ALS2: variants seen among roughly 807,000 people sequenced by gnomAD.
The protein encoded by ALS2 is alsin Rho guanine nucleotide exchange factor ALS2, also known as alsin.
In ALS2, 117 loss-of-function variants were observed where a neutral mutation model predicts 203.4. The ratio of observed to expected loss-of-function variants is 0.58; its 90% CI spans 0.50 to 0.67. The LOEUF (loss-of-function observed/expected upper bound fraction) is 0.67. Among genes scored for constraint, ALS2 ranks in the 30% least tolerant of loss-of-function variants. ALS2 has a pLI of 0.00. For synonymous variants in ALS2, 718 were observed against 725.9 expected (o/e 0.99, Z 0.17); for missense variants, 1,715 against 1,989.4 (o/e 0.86, Z 2.62).
chr2:201,754,546 TC>T lies in ALS2; in HGVS notation c.1596del (p.Lys535ArgfsTer19). The T allele has an allele frequency of 1.2e-6, 2 of 1,613,956 alleles. No homozygotes were observed. The highest frequency in any genetic ancestry group is 1.7e-6 in the Non-Finnish European group (2 of 1,179,960). On this transcript the variant is annotated frameshift_variant, in exon 6 of 34. Transcript: ENST00000264276. LOFTEE classifies it high-confidence loss of function. Reference sequence around the variant, plus strand: ...TGCCCCAGCTGCCCTTCCTTCCCTTTCCCCCAGGTCCACACTTCTGTTCTCA... The same window carrying T: ...TGCCCCAGCTGCCCTTCCTTCCCTTTCCCCAGGTCCACACTTCTGTTCTCA... ...PSLRTEVWTW[G>X]KGKEGQLGHG...
chr2:201,768,832 A>T, intron 2 of ALS2, 34 bp downstream of exon 2: 1 of 1,606,308 alleles, frequency 6.2e-7, no homozygotes, highest in Non-Finnish European at 8.5e-7. Flanking sequence ...ATGTTTTCCT[A>T]GGAGGATAAG....
chr2:201,772,255 A>C (rs1306787543), intron 1 of ALS2, among the ~76,000 whole-genome samples: 1 of 148,156 alleles, frequency 6.7e-6, no homozygotes, highest in African/African-American at 2.5e-5. Flanking sequence ...TATCATTTTA[A>C]TACCATGATC....
Position 201,705,177 on chromosome 2 carries a change from A to T in ALS2, c.4650T>A (p.Ala1550=), listed in dbSNP as rs746403147. 26 of 1,614,038 alleles carry T rather than the reference A, an allele frequency of 1.6e-5. No homozygotes were observed. In the South Asian group the frequency reaches 2.9e-4, roughly 18 times the overall value. ...SKKVLPTTKD[A]CFASAVECLQ... ...GACATTCTACTGCTGAGGCAAAACA[A>T]GCATCTTTCGTGGTTGGCAAAACCT... Residue 1550 remains alanine (A), a synonymous_variant, in exon 31 of 34, where the codon GCT becomes GCA. Coordinates refer to ENST00000264276, the MANE Select transcript of ALS2 (RefSeq NM_020919.4).
chr2:201,758,185 G>C (rs1693518998), intron 4 of ALS2, among the ~76,000 whole-genome samples: 2 of 151,828 alleles, frequency 1.3e-5, no homozygotes, highest in East Asian at 1.9e-4. Flanking sequence ...AATTTATACA[G>C]ACTACTACCT....
intron 3 of ALS2, 32 bp from the exon 4 acceptor site, chr2:201,761,850 A>G (rs372603383): frequency 2.5e-5 from 41 of 1,610,450 alleles, no homozygotes; most frequent in African/African-American, 2.7e-5. Context: ...AAAGAAAAAA[A>G]AAAGGGTTAG....
chr2:201,725,259 C>T, intron 20 of ALS2, 97 bp downstream of exon 20: 2 of 977,116 alleles, frequency 2.0e-6, no homozygotes, highest in Non-Finnish European at 1.6e-6. Context: ...TAAGACTAAA[C>T]AAAACTTAAA....
chr2:201,769,363 A>C (rs1294352031), intron 1 of ALS2, among the ~76,000 whole-genome samples: 1 of 152,204 alleles, frequency 6.6e-6, no homozygotes, highest in Admixed American at 6.5e-5. Context: ...ATTTTCTAAA[A>C]TCTCTTCAGT....
chr2:201,778,663 ATTGT>A (rs1694762527), intron 1 of ALS2, among the ~76,000 whole-genome samples: 2 of 152,190 alleles, frequency 1.3e-5, no homozygotes, highest in African/African-American at 2.4e-5. Context: ...AGACAACAAA[ATTGT>A]TTGGTCATCA....
Position 201,705,127 on chromosome 2 carries a change from A to G in ALS2, c.4688+12T>C. The G allele has an allele frequency of 6.2e-7, 1 of 1,613,560 alleles. No individual in the cohort carries two copies. ...TTTGATTTGTATGGCTTTTCAACAAATCAGAGATTACCTGATCTGCTGCAG... is the reference window on the plus strand; with the variant it reads ...TTTGATTTGTATGGCTTTTCAACAAGTCAGAGATTACCTGATCTGCTGCAG... On this transcript the variant is annotated intron_variant, in intron 31 of 33. Transcript: ENST00000264276.
intron 3 of ALS2, among the ~76,000 whole-genome samples, chr2:201,766,325 T>C (rs1301344344): frequency 6.6e-6 from 1 of 152,186 alleles, no homozygotes; most frequent in Admixed American, 6.5e-5. Context: ...GGAGTAAGAA[T>C]ATATCTTGAA....
intron 4 of ALS2, among the ~76,000 whole-genome samples, chr2:201,758,759 CATGTGTGTGT>C (rs950894460): frequency 3.8e-5 from 5 of 132,002 alleles, no homozygotes; most frequent in African/African-American, 1.6e-4. Flanking sequence ...TGTGTGTGCG[CATGTGTGTGT>C]GTGTGTGTGT....
At chr2:201,735,677 CA>C (rs1691830136) in intron 12 of ALS2, among the ~76,000 whole-genome samples, 2 of 152,206 alleles carry the variant, frequency 1.3e-5, no homozygotes, top group South Asian at 4.1e-4. Context: ...GTGCAAAAGG[CA>C]AGAGGCTTTC....
At chr2:201,706,380 T>C (rs1689714880) in intron 29 of ALS2, among the ~76,000 whole-genome samples, 1 of 111,094 alleles carries the variant, frequency 9.0e-6, no homozygotes. Context: ...AGTGAAACTC[T>C]CTTTCAAAAA....
At chr2:201,706,049 A>G (rs925228720) in intron 29 of ALS2, among the ~76,000 whole-genome samples, 1 of 152,194 alleles carries the variant, frequency 6.6e-6, no homozygotes, top group African/African-American at 2.4e-5. Context: ...AGAAAACATA[A>G]TAATTTAGTA....
intron 24 of ALS2, among the ~76,000 whole-genome samples, chr2:201,717,065 C>T (rs1690445082): frequency 6.6e-6 from 1 of 152,076 alleles, no homozygotes; most frequent in Non-Finnish European, 1.5e-5. Flanking sequence ...TTAGATTTTG[C>T]CTTTTTTTCC....
At chr2:201,757,073 G>A (rs140076058) in intron 5 of ALS2, among the ~76,000 whole-genome samples, 67 of 152,214 alleles carry the variant, frequency 4.4e-4, no homozygotes, top group African/African-American at 1.5e-3. Context: ...CTTATCCAAT[G>A]GTCGCATCTC....
chr2:201,706,780 T>C, intron 29 of ALS2, 66 bp downstream of exon 29: 1 of 1,579,266 alleles, frequency 6.3e-7, no homozygotes, highest in Non-Finnish European at 8.7e-7. Flanking sequence ...AGTGCCAAAT[T>C]TCCAATAATG....
In ALS2 at chr2:201,761,554, A is replaced by C; in HGVS notation, c.440T>G (p.Leu147Trp). 1 of 1,614,198 alleles carries C rather than the reference A, an allele frequency of 6.2e-7. No individual in the cohort carries two copies. The highest frequency in any genetic ancestry group is 8.5e-7 in the Non-Finnish European group (1 of 1,180,024). Residue 147 changes from leucine to tryptophan, a missense_variant, in exon 4 of 34, where the codon TTG becomes TGG. By Grantham distance (61) the Leu-to-Trp change is moderately conservative. Transcript: ENST00000264276. Reference sequence around the variant, plus strand: ...CAACTGTAAAATCCTGACTGCTAACAAAGGGCTGGCCTCAGAATCAGCAAT... The same window carrying C: ...CAACTGTAAAATCCTGACTGCTAACCAAGGGCTGGCCTCAGAATCAGCAAT... ...VSIADSEASPLLAVRILQLAC... is the reference protein window; with the variant it reads ...VSIADSEASPWLAVRILQLAC...
In ALS2 at chr2:201,720,468, C is replaced by T. The variant is rs148624734; in HGVS notation, c.3703-2258G>A. ...CTGTAATCCTAGCACTTTGGGAGGC[C>T]GAGGTGGGTGGATTGCTTGAGCTCA... On this transcript the variant is annotated intron_variant, in intron 23 of 33. Coordinates refer to ENST00000264276, the MANE Select transcript of ALS2 (RefSeq NM_020919.4). Among the ~76,000 whole-genome samples the T allele has an allele frequency of 8.0e-3, 1,168 of 146,508 alleles. 7 individuals carry two copies. Among genetic ancestry groups the T allele is most frequent in the Non-Finnish European group, 0.013 (851 of 67,278 alleles).
Sources: gnomAD v4.1 joint callset for allele counts (sites outside exome capture counted in the v4.1 genomes callset) on GRCh38, gnomAD v4.1.1 for gene constraint, MANE v1.5 for transcripts, NCBI Gene and HGNC (gene_info 2026-07-23, HGNC 2026-07-21) for gene names.